The following SNX14 variants were observed in gnomAD, a reference collection of about 807,000 sequenced individuals.
SNX14 encodes sorting nexin 14, also known as sorting nexin-14.
Under a neutral mutation model 133.8 loss-of-function variants are expected in SNX14, and 93 were observed. That is an observed-to-expected ratio of 0.70 (90% confidence interval 0.59 to 0.83). SNX14 has a LOEUF of 0.83. SNX14 is among the 40% of genes least tolerant of loss of function. SNX14 has a pLI of 0.00. For synonymous variants in SNX14, 368 were observed against 365.6 expected, an observed-to-expected ratio of 1.01 and a Z score of -0.07; for missense variants, 945 against 1,094.9, an observed-to-expected ratio of 0.86 and a Z score of 1.93.
intron 1 of SNX14, among the ~76,000 whole-genome samples, chr6:85,577,551 A>G (rs536878617): frequency 1.1e-4 from 16 of 152,328 alleles, no homozygotes; most frequent in Middle Eastern, 6.8e-3. Context: ...GGTAGTCTCA[A>G]TCTCTGGAGA....
intron 9 of SNX14, among the ~76,000 whole-genome samples, chr6:85,547,846 A>G (rs1440016332): frequency 6.6e-6 from 1 of 152,236 alleles, no homozygotes; most frequent in African/African-American, 2.4e-5. Context: ...AAGCATCCAA[A>G]GTGTCCATCA....
intron 9 of SNX14, 31 bp downstream of exon 9, chr6:85,548,270 T>C (rs757365699): frequency 4.1e-5 from 61 of 1,492,402 alleles, no homozygotes; most frequent in Non-Finnish European, 1.7e-5. Flanking sequence ...GTGTAATTTG[T>C]AACAATTTAA....
chr6:85,521,931 T>C (rs373993012), intron 21 of SNX14, among the ~76,000 whole-genome samples: 1 of 152,212 alleles, frequency 6.6e-6, no homozygotes, highest in South Asian at 2.1e-4. Flanking sequence ...ATGTGATTGA[T>C]AGTGGTCTAG....
rs747703930 is a variant in SNX14, at chr6:85,528,262, C to G, written c.1995G>C (p.Gln665His). 6.3e-7 allele frequency: 1 copy of G among 1,599,094 alleles called. No individual in the cohort carries two copies. Among genetic ancestry groups the G allele is most frequent in the Non-Finnish European group, 8.6e-7 (1 of 1,167,498 alleles). The change falls in exon 20 of 29, where the codon CAG becomes CAC. Residue 665 changes from glutamine to histidine, a missense_variant and splice_region_variant. Transcript: ENST00000314673. ...GGAATTAATACAGTTGATGTTATAC[C>G]TGTAGATATTCTTGGAACTCTTCCC... ...SKREEFQEYL[Q>H]KLLQHPELSN...
At chr6:85,517,599 C>G (rs904291159) in intron 23 of SNX14, 157 bp downstream of exon 23, 1 of 754,196 alleles carries the variant, frequency 1.3e-6, no homozygotes, top group Non-Finnish European at 1.9e-6. Context: ...TAATTACACA[C>G]AATACCCTCT....
chr6:85,571,987 G>T, intron 4 of SNX14, 150 bp downstream of exon 4: 1 of 606,298 alleles, frequency 1.6e-6, no homozygotes. Flanking sequence ...TACTCAAGTT[G>T]TTTAGTCTGC....
chr6:85,557,919 G>T, intron 7 of SNX14, 57 bp downstream of exon 7: 1 of 903,586 alleles, frequency 1.1e-6, no homozygotes, highest in Non-Finnish European at 1.8e-6. Flanking sequence ...GATATTTCGG[G>T]TGAAAATTGG....
intron 17 of SNX14, among the ~76,000 whole-genome samples, chr6:85,536,043 C>T (rs1390314302): frequency 6.6e-6 from 1 of 152,064 alleles, no homozygotes; most frequent in Non-Finnish European, 1.5e-5. Context: ...ATAGGAAAGA[C>T]AATCATAACA....
intron 2 of SNX14, among the ~76,000 whole-genome samples, 181 bp from the exon 3 acceptor site, chr6:85,572,555 A>AG (rs1795990160): frequency 8.1e-6 from 1 of 123,990 alleles, no homozygotes; most frequent in Non-Finnish European, 1.9e-5. Context: ...AAACCATCAG[A>AG]GAAAAAAATA....
chr6:85,578,654 G>T (rs1328616159), intron 1 of SNX14, among the ~76,000 whole-genome samples: 1 of 152,182 alleles, frequency 6.6e-6, no homozygotes, highest in Non-Finnish European at 1.5e-5. Flanking sequence ...AATGACTGAT[G>T]GACCAAGCTA....
At chr6:85,577,971 G>A (rs987644645) in intron 1 of SNX14, among the ~76,000 whole-genome samples, 1 of 152,180 alleles carries the variant, frequency 6.6e-6, no homozygotes, top group Non-Finnish European at 1.5e-5. Flanking sequence ...TGAGATGGAG[G>A]TGAGGAAGTG....
intron 1 of SNX14, among the ~76,000 whole-genome samples, chr6:85,588,366 G>A (rs1216759655): frequency 6.6e-6 from 1 of 152,060 alleles, no homozygotes; most frequent in East Asian, 1.9e-4. Flanking sequence ...AAGGTCAGGA[G>A]ACCGAGACCA....
At chr6:85,531,549 G>A (rs1289843420) in intron 18 of SNX14, among the ~76,000 whole-genome samples, 3 of 152,014 alleles carry the variant, frequency 2.0e-5, no homozygotes, top group Non-Finnish European at 4.4e-5. Flanking sequence ...TTCAACACTG[G>A]TCTTAAAAGA....
intron 1 of SNX14, chr6:85,588,811 G>C (rs934271845): frequency 1.5e-5 from 7 of 452,022 alleles, no homozygotes; most frequent in Non-Finnish European, 2.7e-5. Context: ...ATGTAAGCTA[G>C]AGAAAACAAC....
intron 26 of SNX14, among the ~76,000 whole-genome samples, chr6:85,512,379 T>C (rs1773202827): frequency 6.6e-6 from 1 of 152,098 alleles, no homozygotes; most frequent in African/African-American, 2.4e-5. Flanking sequence ...CCCAGCACTT[T>C]TGAAGGCCGA....
chr6:85,564,715 C>T (rs917659363), intron 6 of SNX14, among the ~76,000 whole-genome samples: 2 of 152,036 alleles, frequency 1.3e-5, no homozygotes, highest in Non-Finnish European at 2.9e-5. Flanking sequence ...TAAGGCCGGG[C>T]GCAGTGGCTC....
At chr6:85,520,613 C>A (rs1776568060) in intron 21 of SNX14, among the ~76,000 whole-genome samples, 1 of 152,262 alleles carries the variant, frequency 6.6e-6, no homozygotes, top group African/African-American at 2.4e-5. Flanking sequence ...CTGCCTCAGC[C>A]TCCCAAATTG....
intron 20 of SNX14, among the ~76,000 whole-genome samples, chr6:85,527,638 T>C (rs143261652): frequency 6.6e-6 from 1 of 152,218 alleles, no homozygotes; most frequent in East Asian, 1.9e-4. Flanking sequence ...GAAAGATGTT[T>C]ATTAGTCTTG....
chr6:85,573,403 C>T (rs1311625244), intron 2 of SNX14, among the ~76,000 whole-genome samples: 2 of 152,146 alleles, frequency 1.3e-5, no homozygotes, highest in Non-Finnish European at 2.9e-5. Context: ...TCACTTGAAC[C>T]TGAGAGGCAG....
Sources: gnomAD v4.1 joint callset for allele counts (sites outside exome capture counted in the v4.1 genomes callset) on GRCh38, gnomAD v4.1.1 for gene constraint, MANE v1.5 for transcripts, NCBI Gene and HGNC (gene_info 2026-07-23, HGNC 2026-07-21) for gene names.